EPM2A: variants seen among roughly 807,000 people sequenced by gnomAD.
EPM2A encodes EPM2A glucan phosphatase, laforin, also known as laforin.
Under a neutral mutation model 26.5 loss-of-function variants are expected in EPM2A, and 21 were observed. That is an observed-to-expected ratio of 0.79 (90% CI 0.56 to 1.14). EPM2A has a LOEUF of 1.14. Ranked by LOEUF, EPM2A falls within the 50% of genes most tolerant of loss-of-function variation. EPM2A has a pLI of 0.00. For synonymous variants in EPM2A, 217 were observed against 177.6 expected, an observed-to-expected ratio of 1.22 and a Z score of -1.76; for missense variants, 458 against 440.8, an observed-to-expected ratio of 1.04 and a Z score of -0.35.
intron 2 of EPM2A, among the ~76,000 whole-genome samples, chr6:145,576,557 AT>A (rs1408925787): frequency 6.6e-6 from 1 of 152,216 alleles, no homozygotes; most frequent in African/African-American, 2.4e-5. Flanking sequence ...GCAAAGTTTT[AT>A]TTCAAACATG....
intron 4 of EPM2A, among the ~76,000 whole-genome samples, chr6:145,469,077 A>C (rs765618509): frequency 1.3e-5 from 2 of 152,134 alleles, no homozygotes; most frequent in Non-Finnish European, 2.9e-5. Flanking sequence ...ATTGACTGAC[A>C]GTTTCACATG....
In EPM2A at chr6:145,627,627, A is replaced by G. The variant is rs150609514; in HGVS notation, c.785T>C (p.Val262Ala). ...CACCCCAGCGTTGCAGTGCACGTAC[A>G]CGATGTGTCCCTTCTCCAGCAGCGC... Reference protein sequence around the residue: ...LHALLEKGHIVYVHCNAGVGR... With the variant: ...LHALLEKGHIAYVHCNAGVGR... The change falls in exon 4 of 4, where the codon GTG becomes GCG. Residue 262 changes from valine to alanine, a missense_variant. Val to Ala is a moderately conservative substitution (Grantham distance 64). Coordinates refer to ENST00000367519, the MANE Select transcript of EPM2A (RefSeq NM_005670.4). 8.7e-6 allele frequency: 14 copies of G among 1,614,196 alleles called. No individual in the cohort carries two copies. Among genetic ancestry groups the G allele is most frequent in the Non-Finnish European group, 1.1e-5 (13 of 1,180,018 alleles).
intron 2 of EPM2A, among the ~76,000 whole-genome samples, chr6:145,554,999 T>C (rs1173034609): frequency 6.6e-6 from 1 of 152,064 alleles, no homozygotes; most frequent in Non-Finnish European, 1.5e-5. Flanking sequence ...TGGAAGGTAA[T>C]CTGCTTTACT....
At chr6:145,540,995 TG>T (rs1477663956) in intron 2 of EPM2A, among the ~76,000 whole-genome samples, 6 of 152,110 alleles carry the variant, frequency 3.9e-5, no homozygotes, top group African/African-American at 9.7e-5. Context: ...CCTTTTCAAT[TG>T]TATGTGAGGA....
intron 4 of EPM2A, among the ~76,000 whole-genome samples, chr6:145,454,379 G>T (rs947189750): frequency 3.9e-5 from 6 of 152,250 alleles, no homozygotes; most frequent in African/African-American, 1.4e-4. Flanking sequence ...CCCAAAGCTG[G>T]TTTTTATCTT....
intron 4 of EPM2A, among the ~76,000 whole-genome samples, chr6:145,415,369 T>C (rs2114678517): frequency 6.6e-6 from 1 of 152,214 alleles, no homozygotes; most frequent in East Asian, 1.9e-4. Context: ...GGATTACCTG[T>C]TTTACTCTGA....
At chr6:145,484,096 G>A (rs1562353155) in intron 4 of EPM2A, among the ~76,000 whole-genome samples, 1 of 152,106 alleles carries the variant, frequency 6.6e-6, no homozygotes, top group Non-Finnish European at 1.5e-5. Flanking sequence ...AACCACCAGA[G>A]TATCATGTCC....
chr6:145,678,394 A>G (rs1200370553), intron 2 of EPM2A, among the ~76,000 whole-genome samples: 2 of 152,258 alleles, frequency 1.3e-5, no homozygotes, highest in African/African-American at 2.4e-5. Context: ...GCCAAAATTG[A>G]CAAATGGGAT....
chr6:145,469,984 G>C (rs187804351), intron 4 of EPM2A, among the ~76,000 whole-genome samples: 1 of 152,000 alleles, frequency 6.6e-6, no homozygotes, highest in Non-Finnish European at 1.5e-5. Context: ...AATTGAACTC[G>C]TGAAGACAGA....
intron 1 of EPM2A, among the ~76,000 whole-genome samples, chr6:145,709,981 A>G (rs1476216227): frequency 6.6e-6 from 1 of 152,168 alleles, no homozygotes; most frequent in Non-Finnish European, 1.5e-5. Context: ...ATGGATTAAA[A>G]ACTTAACTGT....
At chr6:145,687,462 T>G (rs1179060082) in intron 1 of EPM2A, among the ~76,000 whole-genome samples, 1 of 152,116 alleles carries the variant, frequency 6.6e-6, no homozygotes, top group Non-Finnish European at 1.5e-5. Flanking sequence ...AACCTTGATT[T>G]CTACAAAAAT....
intron 4 of EPM2A, among the ~76,000 whole-genome samples, chr6:145,466,890 A>G (rs959278357): frequency 6.6e-6 from 1 of 152,184 alleles, no homozygotes; most frequent in Non-Finnish European, 1.5e-5. Context: ...AACTATCGCA[A>G]GAACAAAAAA....
rs118182024 is a variant in EPM2A at position 145,701,363 on chromosome 6, C to T, written c.302-15067G>A. Among the ~76,000 whole-genome samples the T allele has an allele frequency of 4.1e-3, 628 of 152,294 alleles. 18 individuals are homozygous for T. In the East Asian group the frequency reaches 0.07, roughly 17 times the overall value. ...AGATCTTCCTAAATGTCTGCTTTGCCGTCCTTCACATGCTGACTTTTGTCA... is the reference window on the plus strand; with the variant it reads ...AGATCTTCCTAAATGTCTGCTTTGCTGTCCTTCACATGCTGACTTTTGTCA... On this transcript the variant is annotated intron_variant, in intron 1 of 3. Transcript: ENST00000367519.
rs76273490 is a variant in EPM2A at position 145,583,287 on chromosome 6, A to T, written c.340+51958T>A. Among the ~76,000 whole-genome samples the T allele has an allele frequency of 2.4e-3, 365 of 152,200 alleles. 5 individuals carry two copies. The East Asian group carries it at 0.043, about 18-fold the overall frequency. On this transcript the variant is annotated intron_variant, in intron 2 of 3. Transcript: ENST00000450221. ...AGTTCTTTCTTATTTGTGTGGGCTG[A>T]TGTTCCCTCAGTCTTCAAAGTTGAT...
chr6:145,390,005 A>G (rs1207643587), intron 4 of EPM2A, among the ~76,000 whole-genome samples: 1 of 151,008 alleles, frequency 6.6e-6, no homozygotes, highest in Non-Finnish European at 1.5e-5. Context: ...CCTGATAGAC[A>G]GAACCAACAG....
At position 145,545,407 on chromosome 6, in the gene EPM2A, G is replaced by A. The variant is rs759101668; in HGVS notation, c.341-42832C>T. 4.9e-4 allele frequency among the ~76,000 whole-genome samples: 75 copies of A among 152,066 alleles called. 1 individual carries two copies. Among genetic ancestry groups the A allele is most frequent in the Non-Finnish European group, 8.5e-4 (58 of 68,026 alleles). ...CTCATGTCACATCCACTAACATTCC[G>A]TTGGCCAAGCAAGTCACATGGCCAA... On this transcript the variant is annotated intron_variant, in intron 2 of 3. Transcript: ENST00000450221.
At chr6:145,404,011 A>C (rs1411775856) in intron 4 of EPM2A, among the ~76,000 whole-genome samples, 2 of 152,104 alleles carry the variant, frequency 1.3e-5, no homozygotes, top group Non-Finnish European at 2.9e-5. Flanking sequence ...TTCTCTGATG[A>C]CCAGTGATGC....
At chr6:145,452,438 G>A (rs1368730193) in intron 4 of EPM2A, among the ~76,000 whole-genome samples, 1 of 134,134 alleles carries the variant, frequency 7.5e-6, no homozygotes, top group Non-Finnish European at 1.5e-5. Flanking sequence ...GAGGTCAGGA[G>A]ATGGAGACCA....
chr6:145,478,346 T>C lies in EPM2A; in HGVS notation c.555+24176A>G, dbSNP rs554989684. 7.9e-5 allele frequency among the ~76,000 whole-genome samples: 12 copies of C among 152,088 alleles called. No homozygotes were observed. The East Asian group carries it at 1.3e-3, about 17-fold the overall frequency. On this transcript the variant is annotated intron_variant, in intron 4 of 4. Coordinates refer to the EPM2A transcript ENST00000638717. ...AGAATCAATATTGTTAAAATGTCCA[T>C]GCTATCCAACACAATCTACAGATTC...
Sources: allele counts gnomAD v4.1 joint callset (sites outside exome capture counted in the v4.1 genomes callset), GRCh38; gene constraint gnomAD v4.1.1; transcripts MANE v1.5; gene names NCBI Gene and HGNC (gene_info 2026-07-23, HGNC 2026-07-21).